The following WDR19 variants were observed in gnomAD, a reference collection of about 807,000 sequenced individuals.
WDR19 encodes WD repeat-containing protein 19.
Under a neutral mutation model 180.0 loss-of-function variants are expected in WDR19, and 121 were observed. The ratio of observed to expected loss-of-function variants is 0.67; its 90% CI spans 0.58 to 0.78. WDR19 has a LOEUF of 0.78. Among genes scored for constraint, WDR19 ranks in the 30% least tolerant of loss-of-function variants. The pLI is 0.00. For synonymous variants in WDR19, 497 were observed against 540.7 expected, an observed-to-expected ratio of 0.92 and a Z score of 1.12; for missense variants, 1,450 against 1,640.7, an observed-to-expected ratio of 0.88 and a Z score of 2.01.
chr4:39,191,762 C>T (rs1726169542), intron 4 of WDR19, among the ~76,000 whole-genome samples: 1 of 152,206 alleles, frequency 6.6e-6, no homozygotes, highest in African/African-American at 2.4e-5. Flanking sequence ...AGGTATCCTA[C>T]TCAGTGTCTT....
Position 39,240,379 on chromosome 4 carries a change from T to G in WDR19, c.2421+45T>G, listed in dbSNP as rs377491696. 27 of 1,188,840 alleles carry G rather than the reference T, an allele frequency of 2.3e-5. No individual in the cohort carries two copies. The African/African-American group carries it at 4.2e-4, about 18-fold the overall frequency. 73.6% of individuals were successfully genotyped at this position (1,188,840 alleles called of 1,614,324 possible). On this transcript the variant is annotated intron_variant, in intron 21 of 36. Coordinates refer to ENST00000399820, the MANE Select transcript of WDR19 (RefSeq NM_025132.4). ...AGATATGCCTAATTATGTCTGGGTTTGTTTTCAGTTTCATTTTTAAAAATC... is the reference window on the plus strand; with the variant it reads ...AGATATGCCTAATTATGTCTGGGTTGGTTTTCAGTTTCATTTTTAAAAATC...
chr4:39,214,380 G>T (rs1408706697), intron 9 of WDR19, among the ~76,000 whole-genome samples: 1 of 151,906 alleles, frequency 6.6e-6, no homozygotes, highest in African/African-American at 2.4e-5. Context: ...CCCCATCTCT[G>T]CACACAGTAA....
At chr4:39,200,267 G>C (rs548406057) in intron 6 of WDR19, among the ~76,000 whole-genome samples, 10 of 152,322 alleles carry the variant, frequency 6.6e-5, no homozygotes, top group African/African-American at 2.4e-4. Context: ...CTCTGTATTA[G>C]CCAATCTATT....
At chr4:39,242,496 T>C (rs945979525) in intron 21 of WDR19, among the ~76,000 whole-genome samples, 2 of 152,072 alleles carry the variant, frequency 1.3e-5, no homozygotes, top group Admixed American at 6.6e-5. Flanking sequence ...ACTACCTTAC[T>C]GAAGTATAGT....
chr4:39,214,479 C>A, intron 9 of WDR19, 122 bp from the exon 10 acceptor site: 1 of 560,204 alleles, frequency 1.8e-6, no homozygotes, highest in Non-Finnish European at 3.2e-6. Flanking sequence ...CCCAGTAGAT[C>A]ATTCTGTACA....
At chr4:39,231,040 G>A (rs954723103) in intron 17 of WDR19, among the ~76,000 whole-genome samples, 3 of 151,704 alleles carry the variant, frequency 2.0e-5, no homozygotes, top group East Asian at 1.9e-4. Flanking sequence ...GGCCGGGGAC[G>A]GTGGCTCACA....
chr4:39,201,819 A>C (rs577753797), intron 6 of WDR19, among the ~76,000 whole-genome samples: 1 of 152,322 alleles, frequency 6.6e-6, no homozygotes, highest in Admixed American at 6.5e-5. Flanking sequence ...CATTATTTAC[A>C]TATAAGATAA....
rs11096987 is a variant in WDR19 at position 39,257,570 on chromosome 4, A to T, written c.3183+16A>T. ...AATTGAAACTGTAAGTACGCTTTCA[A>T]TGAAACTTTCAATAATGCCAATTTT... On this transcript the variant is annotated intron_variant, in intron 28 of 36. Transcript: ENST00000399820. The T allele has an allele frequency of 6.4e-7, 1 of 1,562,886 alleles. No individual in the cohort carries two copies. Among genetic ancestry groups the T allele is most frequent in the East Asian group, 2.3e-5 (1 of 43,136 alleles).
intron 21 of WDR19, among the ~76,000 whole-genome samples, chr4:39,242,778 G>C (rs190560186): frequency 6.6e-6 from 1 of 152,200 alleles, no homozygotes; most frequent in Non-Finnish European, 1.5e-5. Flanking sequence ...AGTGATTCTC[G>C]TACCTCTCAG....
Position 39,236,183 on chromosome 4 carries a change from C to T in WDR19, c.2363+1308C>T, listed in dbSNP as rs894704359. On this transcript the variant is annotated intron_variant, in intron 20 of 36. Transcript: ENST00000399820. ...ATTATATCAAAAAGATACCTGCATT[C>T]GTATGTTTATTGCAACACTATTCAT... Among the ~76,000 whole-genome samples the T allele has an allele frequency of 2.2e-4, 34 of 152,114 alleles. 1 individual carries two copies. Among genetic ancestry groups the T allele is most frequent in the South Asian group, 4.1e-4 (2 of 4,826 alleles).
In WDR19 at chr4:39,194,625, T is replaced by C. The variant is rs1726522823; in HGVS notation, c.372T>C (p.Tyr124=). 9 of 1,613,128 alleles carry C rather than the reference T, an allele frequency of 5.6e-6. No individual in the cohort carries two copies. The highest frequency in any genetic ancestry group is 7.6e-6 in the Non-Finnish European group (9 of 1,179,440). The change falls in exon 5 of 37, where the codon TAT becomes TAC. Residue 124 remains tyrosine, a synonymous_variant. Transcript: ENST00000399820. Reference sequence around the variant, plus strand: ...CTGTTAAAGGAAATTTGCTTATTTATAATCATCAGACATCTCGAAAGATTC... The same window carrying C: ...CTGTTAAAGGAAATTTGCTTATTTACAATCATCAGACATCTCGAAAGATTC... The part of the protein sequence containing the change: ...VGTVKGNLLI[Y]NHQTSRKIPV...
chr4:39,232,330 G>GA (rs908166448), intron 19 of WDR19, 58 bp downstream of exon 19: 2,864 of 1,307,696 alleles, frequency 2.2e-3, no homozygotes, highest in South Asian at 2.6e-3. Flanking sequence ...GGAAATGGGG[G>GA]AAAAAAAAAT....
In WDR19 at chr4:39,225,027, C is replaced by G. The variant is rs771148519; in HGVS notation, c.1623C>G (p.Tyr541Ter). The G allele has an allele frequency of 1.0e-5, 16 of 1,558,786 alleles. No homozygotes were observed. Among genetic ancestry groups the G allele is most frequent in the Admixed American group, 8.0e-5 (4 of 49,988 alleles). The change falls in exon 15 of 37, where the codon TAC becomes TAG. Residue 541 changes from tyrosine (Y) to a stop codon, truncating the protein, a stop_gained. Transcript: ENST00000399820. LOFTEE classifies it high-confidence loss of function. ...FIDEKSDGFV[Y>*]CPVNDATYEI... ...ATGAAAAAAGTGATGGATTTGTTTACTGTCCAGTAAGTCTGGAACATTTTT... is the reference window on the plus strand; with the variant it reads ...ATGAAAAAAGTGATGGATTTGTTTAGTGTCCAGTAAGTCTGGAACATTTTT...
In WDR19 at chr4:39,228,664, G is replaced by C. The variant is rs746795141; in HGVS notation, c.1956G>C (p.Met652Ile). 8.1e-6 allele frequency: 13 copies of C among 1,602,204 alleles called. No individual in the cohort carries two copies. The highest frequency in any genetic ancestry group is 1.1e-5 in the Non-Finnish European group (13 of 1,174,318). Residue 652 changes from methionine to isoleucine, a missense_variant, in exon 17 of 37, where the codon ATG (methionine) becomes ATC (isoleucine). Physicochemically the swap from Met to Ile is conservative, Grantham distance 10. Coordinates refer to ENST00000399820, the MANE Select transcript of WDR19 (RefSeq NM_025132.4). ...CGGGGCCTGACGAACTGAGACCAAT[G>C]CTGGCACAGAATTTAATGCTAAAGA... ...KDTGPDELRP[M>I]LAQNLMLKRF...
At chr4:39,279,726 C>T (rs1170842718) in intron 36 of WDR19, among the ~76,000 whole-genome samples, 1 of 128,920 alleles carries the variant, frequency 7.8e-6, no homozygotes, top group Non-Finnish European at 1.6e-5. Context: ...TTTTTTGAGA[C>T]AGTCTTGCTC....
intron 33 of WDR19, among the ~76,000 whole-genome samples, chr4:39,276,480 T>C (rs558780911): frequency 6.6e-6 from 1 of 152,322 alleles, no homozygotes; most frequent in African/African-American, 2.4e-5. Flanking sequence ...TGGTACCTGC[T>C]AGCCACATGT....
chr4:39,278,706 C>T, intron 36 of WDR19, 43 bp downstream of exon 36: 1 of 1,207,224 alleles, frequency 8.3e-7, no homozygotes, highest in Non-Finnish European at 1.2e-6. Context: ...CGCAAGGGCC[C>T]ACAGCGTGCA....
chr4:39,230,291 A>T (rs893354683), intron 17 of WDR19, among the ~76,000 whole-genome samples: 1 of 152,138 alleles, frequency 6.6e-6, no homozygotes, highest in Non-Finnish European at 1.5e-5. Context: ...CTCTGAATGT[A>T]GTAACCCCTC....
In WDR19 at chr4:39,274,949, G is replaced by A. The variant is rs141039852; in HGVS notation, c.3707G>A (p.Gly1236Glu). The change falls in exon 33 of 37, where the codon GGA (glycine) becomes GAA (glutamate). Residue 1236 changes from glycine to glutamate, a missense_variant. By Grantham distance (98) the Gly-to-Glu change is moderately conservative. Transcript: ENST00000399820. ...GCCAAATACAAAAAGAAGATCGAGGGAATGGTCAGGTAGGCAGAGATGGCT... is the reference window on the plus strand; with the variant it reads ...GCCAAATACAAAAAGAAGATCGAGGAAATGGTCAGGTAGGCAGAGATGGCT... ...IDAKYKKKIE[G>E]MVRRPDISEI... 6.9e-5 allele frequency: 111 copies of A among 1,613,986 alleles called. No individual in the cohort carries two copies. The African/African-American group carries it at 1.4e-3, about 20-fold the overall frequency.
Sources: gnomAD v4.1 joint callset for allele counts (sites outside exome capture counted in the v4.1 genomes callset) on GRCh38, gnomAD v4.1.1 for gene constraint, MANE v1.5 for transcripts, NCBI Gene and HGNC (gene_info 2026-07-23, HGNC 2026-07-21) for gene names.